Variants in OSBPL8 observed in about 807,000 individuals in gnomAD.
The protein encoded by OSBPL8 is oxysterol-binding protein-related protein 8.
In OSBPL8, 59 loss-of-function variants were observed where a neutral mutation model predicts 125.5. That is an observed-to-expected ratio of 0.47 (90% CI 0.38 to 0.58). OSBPL8 has a LOEUF of 0.58. OSBPL8 is among the 20% of genes least tolerant of loss of function. OSBPL8 has a pLI of 0.00. For missense variants in OSBPL8, 758 were observed against 1,047.8 expected, an observed-to-expected ratio of 0.72 and a Z score of 3.82; for synonymous variants, 330 against 338.9, an observed-to-expected ratio of 0.97 and a Z score of 0.29.
chr12:76,541,741 G>A (rs898120992), intron 1 of OSBPL8, among the ~76,000 whole-genome samples: 12 of 151,916 alleles, frequency 7.9e-5, no homozygotes, highest in African/African-American at 2.9e-4. Flanking sequence ...TGTAATCCCA[G>A]CTATTCGAGA....
At chr12:76,419,654 A>ATT (rs1243041905) in intron 4 of OSBPL8, among the ~76,000 whole-genome samples, 1 of 152,214 alleles carries the variant, frequency 6.6e-6, no homozygotes, top group Non-Finnish European at 1.5e-5. Flanking sequence ...AGAAAAAAAC[A>ATT]TAGTAATGAG....
chr12:76,462,823 A>G (rs1874901295), intron 2 of OSBPL8, among the ~76,000 whole-genome samples: 1 of 152,196 alleles, frequency 6.6e-6, no homozygotes, highest in South Asian at 2.1e-4. Flanking sequence ...TGAAAGACAG[A>G]GGGAAGAGCA....
chr12:76,454,606 C>CAG (rs1283263278), intron 3 of OSBPL8, among the ~76,000 whole-genome samples: 1 of 151,910 alleles, frequency 6.6e-6, no homozygotes, highest in African/African-American at 2.4e-5. Flanking sequence ...GTAGTCCCAG[C>CAG]TACTAGGGAG....
chr12:76,390,096 T>C (rs1953495526), intron 11 of OSBPL8: 4 of 410,388 alleles, frequency 9.7e-6, no homozygotes, highest in African/African-American at 8.2e-5. Context: ...TTTACTTCTA[T>C]GATGCACTGG....
chr12:76,398,537 T>C (rs956143749), intron 7 of OSBPL8, among the ~76,000 whole-genome samples: 2 of 152,236 alleles, frequency 1.3e-5, no homozygotes, highest in Non-Finnish European at 2.9e-5. Flanking sequence ...ATGTCAATAG[T>C]AAGTCTAAAA....
At chr12:76,395,084 G>A (rs1222668945) in intron 8 of OSBPL8, among the ~76,000 whole-genome samples, 1 of 151,828 alleles carries the variant, frequency 6.6e-6, no homozygotes, top group Non-Finnish European at 1.5e-5. Flanking sequence ...ATTTCTAGAA[G>A]GCTAAAGAAA....
At chr12:76,443,752 C>G (rs192598947) in intron 4 of OSBPL8, among the ~76,000 whole-genome samples, 1 of 152,074 alleles carries the variant, frequency 6.6e-6, no homozygotes, top group Non-Finnish European at 1.5e-5. Flanking sequence ...GGTTATCTGC[C>G]CCCCTTGGCC....
chr12:76,438,228 C>T (rs1373586147), intron 4 of OSBPL8, among the ~76,000 whole-genome samples: 4 of 151,856 alleles, frequency 2.6e-5, no homozygotes, highest in South Asian at 2.1e-4. Context: ...CCTCATGATC[C>T]GCCCGCCTCG....
At chr12:76,504,024 G>C (rs1880168863) in intron 1 of OSBPL8, among the ~76,000 whole-genome samples, 1 of 148,472 alleles carries the variant, frequency 6.7e-6, no homozygotes, top group Admixed American at 6.7e-5. Context: ...TAGATCAGTA[G>C]ACTTTGAGTA....
In OSBPL8 at chr12:76,540,487, C is replaced by CGTGTGTGT. The variant is rs59101769; in HGVS notation, c.-68+18902_-68+18909dup. ...TCTGTTTTTAAAAAAATTATATAGTCGTGTGTGTGTGTGTGTGTGTGTGTG... is the reference window on the plus strand; with the variant it reads ...TCTGTTTTTAAAAAAATTATATAGTCGTGTGTGTGTGTGTGTGTGTGTGTGTGTGTGTG... On this transcript the variant is annotated intron_variant, in intron 1 of 23. Transcript: ENST00000261183. Among the ~76,000 whole-genome samples, 23 of 141,658 alleles carry CGTGTGTGT rather than the reference C, an allele frequency of 1.6e-4. 1 individual carries two copies. Among genetic ancestry groups the CGTGTGTGT allele is most frequent in the African/African-American group, 4.7e-4 (18 of 38,328 alleles). 92.9% of individuals were successfully genotyped at this position (141,658 alleles called of 152,430 possible). A position where few individuals can be genotyped will look rare whatever the true frequency, so the allele number is the denominator to read the frequency against.
intron 1 of OSBPL8, among the ~76,000 whole-genome samples, chr12:76,496,687 C>T (rs1370493704): frequency 6.6e-6 from 1 of 152,008 alleles, no homozygotes; most frequent in African/African-American, 2.4e-5. Context: ...ATTACAGGAA[C>T]CTGCCACCAC....
chr12:76,410,601 T>C lies in OSBPL8; in HGVS notation c.251A>G (p.Asn84Ser). The C allele has an allele frequency of 1.9e-6, 3 of 1,607,200 alleles. No homozygotes were observed. The highest frequency in any genetic ancestry group is 2.6e-6 in the Non-Finnish European group (3 of 1,174,724). ...FERGKEDISQ[N>S]KDESSLSMSK... is the part of the protein sequence containing the mutation. The stretch of plus-strand genomic sequence containing the variant: ...CATAGAAAGTGAAGATTCATCTTTA[T>C]TTTGAGAAATATCTTCCTTCCCTCT... Residue 84 changes from asparagine to serine, a missense_variant, in exon 5 of 24, where the codon AAT becomes AGT. Asn to Ser is a conservative substitution (Grantham distance 46, BLOSUM62 1). Transcript: ENST00000261183.
At chr12:76,424,601 T>C (rs1233333114) in intron 4 of OSBPL8, among the ~76,000 whole-genome samples, 2 of 152,196 alleles carry the variant, frequency 1.3e-5, no homozygotes. Context: ...TAAACTGCAT[T>C]CAAATCTCTG....
chr12:76,369,411 T>C, intron 20 of OSBPL8, 110 bp from the exon 21 acceptor site: 1 of 1,433,328 alleles, frequency 7.0e-7, no homozygotes, highest in East Asian at 2.5e-5. Context: ...ATAGTTCTAA[T>C]AATGAGATTT....
chr12:76,511,867 A>G (rs888802706), intron 1 of OSBPL8, among the ~76,000 whole-genome samples: 1 of 152,170 alleles, frequency 6.6e-6, no homozygotes, highest in Admixed American at 6.5e-5. Flanking sequence ...TTTTACATTT[A>G]AGTCTTTAAT....
At chr12:76,409,497 A>G (rs1328667724) in intron 5 of OSBPL8, among the ~76,000 whole-genome samples, 3 of 152,184 alleles carry the variant, frequency 2.0e-5, no homozygotes, top group Non-Finnish European at 4.4e-5. Flanking sequence ...TGTCACACAG[A>G]ACTTATGTTA....
In OSBPL8 at chr12:76,554,467, C is replaced by T. The variant is rs57620733; in HGVS notation, c.-68+4930G>A. Among the ~76,000 whole-genome samples the T allele has an allele frequency of 2.4e-3, 360 of 152,252 alleles. 4 individuals carry two copies. The highest frequency in any genetic ancestry group is 8.4e-3 in the African/African-American group (348 of 41,538). On this transcript the variant is annotated intron_variant, in intron 1 of 23. Coordinates refer to ENST00000261183, the MANE Select transcript of OSBPL8 (RefSeq NM_020841.5). ...GTTTAAATCCTTTTAGTAGGCTCTACCACCTACTACTTAACTTCTCTGTGC... is the reference window on the plus strand; with the variant it reads ...GTTTAAATCCTTTTAGTAGGCTCTATCACCTACTACTTAACTTCTCTGTGC...
At chr12:76,514,491 C>T (rs1039364221) in intron 1 of OSBPL8, among the ~76,000 whole-genome samples, 2 of 152,102 alleles carry the variant, frequency 1.3e-5, no homozygotes, top group Non-Finnish European at 2.9e-5. Flanking sequence ...ATGTTGTAGG[C>T]CCTCCTCAAT....
At chr12:76,402,389 C>T (rs1018459347) in intron 6 of OSBPL8, among the ~76,000 whole-genome samples, 1 of 152,208 alleles carries the variant, frequency 6.6e-6, no homozygotes, top group African/African-American at 2.4e-5. Context: ...AGTTCCACAA[C>T]ATAGTGATAA....
Sources: gnomAD v4.1 joint callset for allele counts (sites outside exome capture counted in the v4.1 genomes callset) on GRCh38, gnomAD v4.1.1 for gene constraint, MANE v1.5 for transcripts, NCBI Gene and HGNC (gene_info 2026-07-23, HGNC 2026-07-21) for gene names.